IGSF21: variants seen among roughly 807,000 people sequenced by gnomAD.
The protein encoded by IGSF21 is immunoglobulin superfamily member 21.
A neutral mutation model predicts 46.8 loss-of-function variants in IGSF21; 28 were observed. The ratio of observed to expected loss-of-function variants is 0.60; its 90% confidence interval spans 0.44 to 0.82. The LOEUF (loss-of-function observed/expected upper bound fraction) is 0.82. Ranked by LOEUF, IGSF21 falls within the 40% of genes least tolerant of loss-of-function variation. The probability of loss-of-function intolerance (pLI) is 0.00; values close to 1 mark genes in which losing one functional copy is unlikely to be tolerated. For synonymous variants in IGSF21, 284 were observed against 273.6 expected (o/e 1.04, Z -0.38); for missense variants, 624 against 665.5 (o/e 0.94, Z 0.69).
At chr1:18,249,307 G>A (rs2084814118) in intron 2 of IGSF21, among the ~76,000 whole-genome samples, 1 of 152,190 alleles carries the variant, frequency 6.6e-6, no homozygotes, top group African/African-American at 2.4e-5. Flanking sequence ...GAGGGCAGCT[G>A]CAGCCATTCA....
chr1:18,317,053 G>T (rs2085550024), intron 3 of IGSF21, among the ~76,000 whole-genome samples: 1 of 152,168 alleles, frequency 6.6e-6, no homozygotes, highest in East Asian at 1.9e-4. Flanking sequence ...GTGTGACCTT[G>T]GGTGAGTCAC....
rs1480875416 is a variant in IGSF21 at position 18,337,827 on chromosome 1, TG to T, written c.424+2822del. Among the ~76,000 whole-genome samples the T allele has an allele frequency of 6.6e-6, 1 of 152,026 alleles. No homozygotes were observed. The highest frequency in any genetic ancestry group is 1.5e-5 in the Non-Finnish European group (1 of 68,014). On this transcript the variant is annotated intron_variant, in intron 4 of 9. Transcript: ENST00000251296. This position sits in a 1 kb window ranked among gnomAD's most constrained non-coding sequence, Gnocchi z 5.7. Reference sequence around the variant, plus strand: ...CCAATCCTCACTGCAGATCGGCGCGTGGGGGATTACTATTATCTCTAACTCA... The same window carrying T: ...CCAATCCTCACTGCAGATCGGCGCGTGGGGATTACTATTATCTCTAACTCA...
intron 3 of IGSF21, among the ~76,000 whole-genome samples, chr1:18,303,841 A>G (rs907132998): frequency 2.0e-5 from 3 of 152,118 alleles, no homozygotes; most frequent in African/African-American, 7.2e-5. Flanking sequence ...AGGGTGAGGG[A>G]CACAGGCATC....
intron 1 of IGSF21, among the ~76,000 whole-genome samples, chr1:18,182,834 T>C (rs1243647360): frequency 1.3e-5 from 2 of 152,098 alleles, no homozygotes; most frequent in Non-Finnish European, 2.9e-5. Context: ...CTCCACCTGG[T>C]GAAATTGCCT....
intron 1 of IGSF21, among the ~76,000 whole-genome samples, chr1:18,138,559 G>A (rs1217601741): frequency 5.9e-5 from 9 of 152,306 alleles, no homozygotes; most frequent in African/African-American, 2.2e-4. Flanking sequence ...AGCAACTGAT[G>A]CGGTTTTCAC....
chr1:18,244,951 C>T (rs1463218093), intron 2 of IGSF21, among the ~76,000 whole-genome samples: 1 of 152,190 alleles, frequency 6.6e-6, no homozygotes, highest in African/African-American at 2.4e-5. Flanking sequence ...TAACAAGTTA[C>T]TTAACCTCTC....
At position 18,227,932 on chromosome 1, in the gene IGSF21, T is replaced by C. The variant is rs775484977; in HGVS notation, c.105T>C (p.Pro35=). Residue 35 remains proline, a synonymous_variant, in exon 2 of 10, where the codon CCT becomes CCC. Coordinates refer to ENST00000251296, the MANE Select transcript of IGSF21 (RefSeq NM_032880.5). Reference sequence around the variant, plus strand: ...CAGTCAACATTGAGCCTCTCCCCCCTGTGGTGGCTGGAGACGCCGTGACTT... The same window carrying C: ...CAGTCAACATTGAGCCTCTCCCCCCCGTGGTGGCTGGAGACGCCGTGACTT... The part of the protein sequence containing the change: ...YLTVNIEPLP[P]VVAGDAVTLK... 2.5e-4 allele frequency: 396 copies of C among 1,613,854 alleles called. No homozygotes were observed. Among genetic ancestry groups the C allele is most frequent in the Non-Finnish European group, 3.2e-4 (383 of 1,179,914 alleles).
At chr1:18,132,043 C>T (rs940680127) in intron 1 of IGSF21, among the ~76,000 whole-genome samples, 1 of 152,140 alleles carries the variant, frequency 6.6e-6, no homozygotes, top group African/African-American at 2.4e-5. Flanking sequence ...CCTGCTTTAC[C>T]CCTTCTGTGA....
chr1:18,140,456 G>C (rs571828319), intron 1 of IGSF21, among the ~76,000 whole-genome samples: 1 of 152,206 alleles, frequency 6.6e-6, no homozygotes, highest in East Asian at 1.9e-4. Flanking sequence ...CCCAAACCAA[G>C]CCTCAATGTG....
At chr1:18,133,675 A>G (rs2086342621) in intron 1 of IGSF21, among the ~76,000 whole-genome samples, 1 of 152,214 alleles carries the variant, frequency 6.6e-6, no homozygotes, top group African/African-American at 2.4e-5. Context: ...AGCTCAGAAT[A>G]CAAAGTAACC....
chr1:18,200,628 T>C (rs902209806), intron 1 of IGSF21, among the ~76,000 whole-genome samples: 9 of 152,348 alleles, frequency 5.9e-5, no homozygotes, highest in Non-Finnish European at 1.2e-4. Context: ...TTATATTCAA[T>C]TCGGGCCCTT....
At position 18,108,040 on chromosome 1, in the gene IGSF21, C is replaced by A; in HGVS notation, c.-89C>A. ...CACCGCCTCGGCCAGTGGCCGGAGGCAGGAGCGCGTCTGAGCCCATGGCGA... is the reference window on the plus strand; with the variant it reads ...CACCGCCTCGGCCAGTGGCCGGAGGAAGGAGCGCGTCTGAGCCCATGGCGA... On this transcript the variant is annotated 5_prime_UTR_variant, in exon 1 of 10. Coordinates refer to ENST00000251296, the MANE Select transcript of IGSF21 (RefSeq NM_032880.5). The A allele has an allele frequency of 2.0e-6, 1 of 500,696 alleles. No homozygotes were observed. The highest frequency in any genetic ancestry group is 6.1e-5 in the South Asian group (1 of 16,376). 31.0% of individuals were successfully genotyped at this position (500,696 alleles called of 1,614,324 possible). A position where few individuals can be genotyped will look rare whatever the true frequency, so the allele number is the denominator to read the frequency against.
intron 1 of IGSF21, among the ~76,000 whole-genome samples, chr1:18,148,979 C>T (rs868312806): frequency 1.3e-5 from 2 of 152,326 alleles, no homozygotes; most frequent in Middle Eastern, 3.4e-3. Context: ...GCTAAGTGTG[C>T]ACGAGTTCTT....
At chr1:18,117,739 A>C (rs2086199885) in intron 1 of IGSF21, among the ~76,000 whole-genome samples, 1 of 152,220 alleles carries the variant, frequency 6.6e-6, no homozygotes, top group Non-Finnish European at 1.5e-5. Context: ...GAGAGGATGC[A>C]TGGCAGGTTT....
At position 18,334,238 on chromosome 1, in the gene IGSF21, T is replaced by A. The variant is rs956946368; in HGVS notation, c.306-654T>A. 1.3e-5 allele frequency among the ~76,000 whole-genome samples: 2 copies of A among 152,296 alleles called. No homozygotes were observed. The highest frequency in any genetic ancestry group is 3.9e-4 in the East Asian group (2 of 5,170). ...GCTCAGATAAGCTCACGCTTTTCCA[T>A]GTGAGTGTGGAACCCAGATCAGCTT... On this transcript the variant is annotated intron_variant, in intron 3 of 9. Coordinates refer to ENST00000251296, the MANE Select transcript of IGSF21 (RefSeq NM_032880.5). This position sits in a 1 kb window ranked among gnomAD's most constrained non-coding sequence, Gnocchi z 4.3.
chr1:18,183,322 T>A (rs1216318845), intron 1 of IGSF21, among the ~76,000 whole-genome samples: 2 of 152,234 alleles, frequency 1.3e-5, no homozygotes, highest in African/African-American at 4.8e-5. Context: ...TCCATTAAGT[T>A]GTAAACTGCA....
At chr1:18,306,674 T>C (rs2085428966) in intron 3 of IGSF21, among the ~76,000 whole-genome samples, 1 of 152,186 alleles carries the variant, frequency 6.6e-6, no homozygotes, top group Non-Finnish European at 1.5e-5. Flanking sequence ...GCCTGGCTGT[T>C]GGGCCATCAG....
chr1:18,321,908 G>A (rs149534281), intron 3 of IGSF21, among the ~76,000 whole-genome samples: 23 of 152,298 alleles, frequency 1.5e-4, no homozygotes, highest in African/African-American at 4.6e-4. Context: ...CTGTGACTCA[G>A]TTTCCTCCTC....
rs530911533 is a variant in IGSF21 at position 18,180,259 on chromosome 1, C to T, written c.71-47639C>T. Among the ~76,000 whole-genome samples, 4 of 152,306 alleles carry T rather than the reference C, an allele frequency of 2.6e-5. No homozygotes were observed. The South Asian group carries it at 8.3e-4, about 32-fold the overall frequency. On this transcript the variant is annotated intron_variant, in intron 1 of 9. Coordinates refer to ENST00000251296, the MANE Select transcript of IGSF21 (RefSeq NM_032880.5). ...GGACTTTGTTTCATTCTTCTTTGTG[C>T]ACTTAGCATCTAGAATAGTGCCTGC...
Sources: gnomAD v4.1 joint callset for allele counts (sites outside exome capture counted in the v4.1 genomes callset) on GRCh38, gnomAD v4.1.1 for gene constraint, Gnocchi (gnomAD v3.1) non-coding constraint, MANE v1.5 for transcripts, NCBI Gene and HGNC (gene_info 2026-07-23, HGNC 2026-07-21) for gene names.